The following STIM2 variants were observed in gnomAD, a reference collection of about 807,000 sequenced individuals.
STIM2 encodes the protein stromal interaction molecule 2.
Under a neutral mutation model 85.8 loss-of-function variants are expected in STIM2, and 31 were observed. The observed-to-expected ratio is 0.36, with a 90% confidence interval of 0.27 to 0.49. STIM2 has a LOEUF of 0.49. Ranked by LOEUF, STIM2 falls within the 20% of genes least tolerant of loss-of-function variation. The pLI is 0.98. For missense variants in STIM2, 841 were observed against 927.6 expected (o/e 0.91, Z 1.21); for synonymous variants, 356 against 331.1 (o/e 1.08, Z -0.82).
At chr4:26,913,266 CAGT>C (rs1361658772) in intron 1 of STIM2, among the ~76,000 whole-genome samples, 2 of 151,682 alleles carry the variant, frequency 1.3e-5, no homozygotes, top group Admixed American at 6.6e-5. Flanking sequence ...AGATGTATAA[CAGT>C]AGTAATTATA....
At chr4:26,863,847 C>G (rs1313161208) in intron 1 of STIM2, among the ~76,000 whole-genome samples, 1 of 152,122 alleles carries the variant, frequency 6.6e-6, no homozygotes. Flanking sequence ...CTCAATAGCT[C>G]TGCAAAATGA....
chr4:26,895,637 A>T (rs1206615929), intron 1 of STIM2, among the ~76,000 whole-genome samples: 1 of 152,152 alleles, frequency 6.6e-6, no homozygotes, highest in Non-Finnish European at 1.5e-5. Context: ...TTAAGTCTCC[A>T]TCTTGCACTG....
chr4:26,869,578 G>T (rs1384405070), intron 1 of STIM2, among the ~76,000 whole-genome samples: 1 of 151,876 alleles, frequency 6.6e-6, no homozygotes, highest in Non-Finnish European at 1.5e-5. Context: ...GCCCAGGCTG[G>T]AGTGCAGTGA....
chr4:26,897,907 A>G (rs1309700599), intron 1 of STIM2, among the ~76,000 whole-genome samples: 2 of 152,168 alleles, frequency 1.3e-5, no homozygotes, highest in Non-Finnish European at 2.9e-5. Context: ...CTGGGACCAC[A>G]GGTGCACCAC....
At chr4:26,994,288 A>G (rs879354650) in intron 3 of STIM2, among the ~76,000 whole-genome samples, 11 of 151,994 alleles carry the variant, frequency 7.2e-5, no homozygotes, top group South Asian at 2.1e-4. Flanking sequence ...CGTTTCCCCA[A>G]TCTTTTCCTC....
intron 3 of STIM2, among the ~76,000 whole-genome samples, chr4:26,959,993 A>G (rs1726387937): frequency 6.6e-6 from 1 of 152,146 alleles, no homozygotes. Context: ...AACTTTCACT[A>G]GAAGCTTTAT....
intron 2 of STIM2, among the ~76,000 whole-genome samples, chr4:26,935,027 A>G (rs970137712): frequency 6.6e-6 from 1 of 151,734 alleles, no homozygotes; most frequent in Non-Finnish European, 1.5e-5. Flanking sequence ...ATAAGGGAAG[A>G]CATGATTAAA....
chr4:26,866,901 T>G (rs574844908), intron 1 of STIM2, among the ~76,000 whole-genome samples: 4 of 152,216 alleles, frequency 2.6e-5, no homozygotes, highest in Non-Finnish European at 5.9e-5. Context: ...ACTTTCAGAG[T>G]GTTTTGTTAA....
chr4:26,931,309 C>T (rs568198134), intron 2 of STIM2, among the ~76,000 whole-genome samples: 2 of 152,058 alleles, frequency 1.3e-5, no homozygotes, highest in Non-Finnish European at 2.9e-5. Flanking sequence ...TAGGTCCAGC[C>T]AACCATCACG....
At chr4:26,930,174 G>A (rs1416714198) in intron 2 of STIM2, among the ~76,000 whole-genome samples, 5 of 152,130 alleles carry the variant, frequency 3.3e-5, no homozygotes, top group Non-Finnish European at 5.9e-5. Flanking sequence ...AAGGCTGCAC[G>A]GTCTGTCAAT....
chr4:26,995,599 G>A lies in STIM2; in HGVS notation c.509+109G>A, dbSNP rs571523339. On this transcript the variant is annotated intron_variant, in intron 4 of 11. Coordinates refer to ENST00000467087, the MANE Select transcript of STIM2 (RefSeq NM_020860.4). ...TACTTCCGTGGCTGAGGGCACAAAG[G>A]AAATATAAATATATCCATTCTTTAA... 1.2e-5 allele frequency: 6 copies of A among 494,164 alleles called. No homozygotes were observed. The East Asian group carries it at 2.1e-4, about 17-fold the overall frequency. 30.6% of individuals were successfully genotyped at this position (494,164 alleles called of 1,614,324 possible). A position where few individuals can be genotyped will look rare whatever the true frequency, so the allele number is the denominator to read the frequency against.
rs141645948 is a variant in STIM2, at chr4:26,940,392, A to G, written c.283-17220A>G. Reference sequence around the variant, plus strand: ...TTCTTCTGTCCACAATTTCATTCTCATGTTTGGCCTGTGCAGATCTCCAAC... The same window carrying G: ...TTCTTCTGTCCACAATTTCATTCTCGTGTTTGGCCTGTGCAGATCTCCAAC... On this transcript the variant is annotated intron_variant, in intron 2 of 11. Coordinates refer to ENST00000467087, the MANE Select transcript of STIM2 (RefSeq NM_020860.4). Among the ~76,000 whole-genome samples, 454 of 152,212 alleles carry G rather than the reference A, an allele frequency of 3.0e-3. 2 individuals are homozygous for G. Among genetic ancestry groups the G allele is most frequent in the African/African-American group, 0.01 (426 of 41,522 alleles).
rs148440989 is a variant in STIM2 at position 26,917,985 on chromosome 4, G to C, written c.152-1519G>C. Among the ~76,000 whole-genome samples the C allele has an allele frequency of 3.3e-5, 5 of 152,128 alleles. No homozygotes were observed. The East Asian group carries it at 9.6e-4, about 29-fold the overall frequency. ...GATCATGATTGACCATTATGCCTCC[G>C]AGTTCTTGGATTTTAGCAAATCTTG... On this transcript the variant is annotated intron_variant, in intron 1 of 11. Transcript: ENST00000467087.
At chr4:26,919,678 T>A in intron 2 of STIM2, 44 bp downstream of exon 2, 1 of 1,597,504 alleles carries the variant, frequency 6.3e-7, no homozygotes, top group Non-Finnish European at 8.5e-7. Context: ...TAGAACAGAA[T>A]GACTGCATTT....
At chr4:27,020,988 A>C in intron 11 of STIM2, 1 of 1,534,838 alleles carries the variant, frequency 6.5e-7, no homozygotes, top group South Asian at 1.2e-5. Flanking sequence ...ATTTCCTTTC[A>C]TGGAGTGAAC....
intron 4 of STIM2, among the ~76,000 whole-genome samples, chr4:26,997,281 A>G (rs192396631): frequency 4.5e-4 from 68 of 152,326 alleles, no homozygotes; most frequent in African/African-American, 1.6e-3. Flanking sequence ...TAGTTGGCCT[A>G]CAACAGTCCA....
At chr4:26,882,913 C>A (rs1353476562) in intron 1 of STIM2, among the ~76,000 whole-genome samples, 1 of 151,802 alleles carries the variant, frequency 6.6e-6, no homozygotes, top group Admixed American at 6.6e-5. Context: ...TCTCAGCTCA[C>A]TGCAACCTCC....
chr4:26,940,033 G>T (rs970253189), intron 2 of STIM2, among the ~76,000 whole-genome samples: 6 of 152,132 alleles, frequency 3.9e-5, no homozygotes, highest in African/African-American at 1.4e-4. Context: ...TCGTTAAGAC[G>T]AACTTTGTGA....
chr4:26,996,358 T>G (rs1160245492), intron 4 of STIM2, among the ~76,000 whole-genome samples: 1 of 152,082 alleles, frequency 6.6e-6, no homozygotes, highest in East Asian at 1.9e-4. Context: ...AAGTTTTATT[T>G]TTCCCTGGAT....
Sources: allele counts gnomAD v4.1 joint callset (sites outside exome capture counted in the v4.1 genomes callset), GRCh38; gene constraint gnomAD v4.1.1; transcripts MANE v1.5; gene names NCBI Gene and HGNC (gene_info 2026-07-23, HGNC 2026-07-21).